The following ACVR2B variants were observed in gnomAD, a reference collection of about 807,000 sequenced individuals.
ACVR2B encodes the protein activin receptor type-2B.
In ACVR2B, 18 loss-of-function variants were observed where a neutral mutation model predicts 65.1. The observed-to-expected ratio is 0.28, with a 90% CI of 0.19 to 0.41. ACVR2B has a LOEUF of 0.41. Ranked by LOEUF, ACVR2B falls within the 10% of genes least tolerant of loss-of-function variation. The pLI, the probability that ACVR2B is intolerant of heterozygous loss-of-function variation, is 1.00. For synonymous variants in ACVR2B, 298 were observed against 277.7 expected, an observed-to-expected ratio of 1.07 and a Z score of -0.73; for missense variants, 482 against 682.7, an observed-to-expected ratio of 0.71 and a Z score of 3.28.
At chr3:38,459,896 A>G (rs917697778) in intron 1 of ACVR2B, among the ~76,000 whole-genome samples, 1 of 151,988 alleles carries the variant, frequency 6.6e-6, no homozygotes, top group Non-Finnish European at 1.5e-5. Context: ...GGCTGCCCCC[A>G]TGTTTATTTT....
chr3:38,481,116 G>T lies in ACVR2B; in HGVS notation c.960-235G>T, dbSNP rs1710010010. ...AGGGTCTGCCCAGCCATTAGGGTAG[G>T]TGTTGCTTTGCCAACCCTGGGGGAA... On this transcript the variant is annotated intron_variant, in intron 7 of 10. Coordinates refer to ENST00000352511, the MANE Select transcript of ACVR2B (RefSeq NM_001106.4). The surrounding 1 kb of genome is among the most constrained non-coding windows in gnomAD (Gnocchi z 4.7). Among the ~76,000 whole-genome samples the T allele has an allele frequency of 6.6e-6, 1 of 152,176 alleles. No homozygotes were observed. Among genetic ancestry groups the T allele is most frequent in the Non-Finnish European group, 1.5e-5 (1 of 68,030 alleles).
chr3:38,456,927 C>A (rs2125711630), intron 1 of ACVR2B, among the ~76,000 whole-genome samples: 1 of 152,280 alleles, frequency 6.6e-6, no homozygotes, highest in Non-Finnish European at 1.5e-5. Context: ...ATTTTACTGG[C>A]CTGGCACAGT....
At position 38,479,114 on chromosome 3, in the gene ACVR2B, G is replaced by A. The variant is rs931113335; in HGVS notation, c.667-14G>A. The A allele has an allele frequency of 1.3e-5, 21 of 1,613,948 alleles. No homozygotes were observed. The highest frequency in any genetic ancestry group is 2.2e-5 in the East Asian group (1 of 44,864). Reference sequence around the variant, plus strand: ...CAGCCACTTGTCCCCCCAACCCCTCGCCCCCGGCCTCAGGACAAGCAGTCG... The same window carrying A: ...CAGCCACTTGTCCCCCCAACCCCTCACCCCCGGCCTCAGGACAAGCAGTCG... On this transcript the variant is annotated splice_polypyrimidine_tract_variant and intron_variant, in intron 5 of 10. Coordinates refer to ENST00000352511, the MANE Select transcript of ACVR2B (RefSeq NM_001106.4).
At position 38,482,086 on chromosome 3, in the gene ACVR2B, G is replaced by A; in HGVS notation, c.1075-112G>A. 4.2e-6 allele frequency: 6 copies of A among 1,414,962 alleles called. No individual in the cohort carries two copies. In the South Asian group the frequency reaches 5.8e-5, roughly 14 times the overall value. The allele number at this position is 1,414,962 out of a possible 1,614,324, so 87.7% of individuals were successfully genotyped here. A position where few individuals can be genotyped will look rare whatever the true frequency, so the allele number is the denominator to read the frequency against. ...GTTTGCTATCATTGATAACCTGTCTGAATTGCTCTGTCTTGCCCGCCATCT... is the reference window on the plus strand; with the variant it reads ...GTTTGCTATCATTGATAACCTGTCTAAATTGCTCTGTCTTGCCCGCCATCT... On this transcript the variant is annotated intron_variant, in intron 8 of 10. Transcript: ENST00000352511.
intron 1 of ACVR2B, among the ~76,000 whole-genome samples, chr3:38,465,369 G>T (rs1709710663): frequency 7.4e-6 from 1 of 135,474 alleles, no homozygotes; most frequent in African/African-American, 2.8e-5. Context: ...CTGCCCTCCA[G>T]CCTGGGTGAC....
At chr3:38,461,870 T>C (rs1709653257) in intron 1 of ACVR2B, among the ~76,000 whole-genome samples, 1 of 152,146 alleles carries the variant, frequency 6.6e-6, no homozygotes, top group Admixed American at 6.5e-5. Flanking sequence ...CATTTTTACT[T>C]GTGCATCTAT....
rs1373721896 is a variant in ACVR2B, at chr3:38,484,032, C to G, written c.*700C>G. The stretch of plus-strand genomic sequence containing the variant: ...ACACTGGACTCGGGCACATTCGGAG[C>G]AGCATCCTTTAGTATGGAGGCTACT... On this transcript the variant is annotated 3_prime_UTR_variant, in exon 11 of 11. Transcript: ENST00000352511. 3 of 152,682 alleles carry G rather than the reference C, an allele frequency of 2.0e-5. No homozygotes were observed. Among genetic ancestry groups the G allele is most frequent in the Non-Finnish European group, 4.4e-5 (3 of 68,132 alleles). The allele number at this position is 152,682 out of a possible 1,614,324, so 9.5% of individuals were successfully genotyped here. A position where few individuals can be genotyped will look rare whatever the true frequency, so the allele number is the denominator to read the frequency against.
Position 38,486,707 on chromosome 3 carries a change from C to G in ACVR2B, c.*3375C>G. 1 of 152,162 alleles carries G rather than the reference C, an allele frequency of 6.6e-6. No individual in the cohort carries two copies. Among genetic ancestry groups the G allele is most frequent in the Non-Finnish European group, 1.5e-5 (1 of 68,042 alleles). 9.4% of individuals were successfully genotyped at this position (152,162 alleles called of 1,614,324 possible). A position where few individuals can be genotyped will look rare whatever the true frequency, so the allele number is the denominator to read the frequency against. On this transcript the variant is annotated 3_prime_UTR_variant, in exon 11 of 11. Coordinates refer to ENST00000352511, the MANE Select transcript of ACVR2B (RefSeq NM_001106.4). ...AGCAGAGAGTAGCCAAGGATCCTTG[C>G]TTCTTCCTTTCTAGTGTGCTGTCAT...
Position 38,477,407 on chromosome 3 carries a change from A to G in ACVR2B, c.173A>G (p.His58Arg). ...GAAGGCGAGCAGGACAAGCGGCTGC[A>G]CTGCTACGCCTCCTGGCGCAACAGC... Reference protein sequence around the residue: ...RCEGEQDKRLHCYASWRNSSG... With the variant: ...RCEGEQDKRLRCYASWRNSSG... The change falls in exon 2 of 11, where the codon CAC becomes CGC. Residue 58 changes from histidine (H) to arginine (R), a missense_variant. Coordinates refer to ENST00000352511, the MANE Select transcript of ACVR2B (RefSeq NM_001106.4). This position sits in a 1 kb window ranked among gnomAD's most constrained non-coding sequence, Gnocchi z 6.7. The G allele has an allele frequency of 6.2e-7, 1 of 1,614,154 alleles. No individual in the cohort carries two copies. The highest frequency in any genetic ancestry group is 1.3e-5 in the African/African-American group (1 of 75,052).
In ACVR2B at chr3:38,477,242, G is replaced by T. The variant is rs2125722125; in HGVS notation, c.53-45G>T. 3.7e-6 allele frequency: 6 copies of T among 1,607,874 alleles called. No individual in the cohort carries two copies. The African/African-American group carries it at 5.3e-5, about 14-fold the overall frequency. ...GACTGGGAGTAGGGGTTTGGGTGGT[G>T]GTCCCAGGGGCATGCTCAGTGGTTC... On this transcript the variant is annotated intron_variant, in intron 1 of 10. Coordinates refer to ENST00000352511, the MANE Select transcript of ACVR2B (RefSeq NM_001106.4). The surrounding 1 kb of genome is among the most constrained non-coding windows in gnomAD (Gnocchi z 6.7).
At chr3:38,472,723 C>A (rs951664297) in intron 1 of ACVR2B, among the ~76,000 whole-genome samples, 1 of 152,080 alleles carries the variant, frequency 6.6e-6, no homozygotes, top group Non-Finnish European at 1.5e-5. Context: ...CACCCAAGTG[C>A]AGAGCTCAGG....
chr3:38,469,904 G>C (rs909706057), intron 1 of ACVR2B, among the ~76,000 whole-genome samples: 1 of 152,014 alleles, frequency 6.6e-6, no homozygotes, highest in Non-Finnish European at 1.5e-5. Flanking sequence ...TATCAAAATT[G>C]ACCAGGAAGT....
In ACVR2B at chr3:38,461,630, G is replaced by C. The variant is rs1709648959; in HGVS notation, c.52+7256G>C. The stretch of plus-strand genomic sequence containing the variant: ...TCGCATCCAAACCTCCCATCACTGA[G>C]AGGTTAGCCACCCTGGGGTATAGTT... On this transcript the variant is annotated intron_variant, in intron 1 of 10. Transcript: ENST00000352511. Among the ~76,000 whole-genome samples the C allele has an allele frequency of 2.6e-5, 4 of 152,224 alleles. No individual in the cohort carries two copies. The South Asian group carries it at 8.3e-4, about 32-fold the overall frequency.
intron 1 of ACVR2B, among the ~76,000 whole-genome samples, chr3:38,456,760 C>T (rs1170803887): frequency 6.6e-6 from 1 of 152,166 alleles, no homozygotes; most frequent in Admixed American, 6.5e-5. Flanking sequence ...ATCCTGTTCT[C>T]ATTACCTGAT....
intron 1 of ACVR2B, chr3:38,475,329 C>T (rs1253881226): frequency 6.6e-6 from 1 of 152,272 alleles, no homozygotes; most frequent in Non-Finnish European, 1.5e-5. Flanking sequence ...CCCTGAGGCC[C>T]TTCCTTTAGA....
chr3:38,482,102 C>A (rs1169107801), intron 8 of ACVR2B, 96 bp from the exon 9 acceptor site: 2 of 1,560,158 alleles, frequency 1.3e-6, no homozygotes, highest in Admixed American at 1.7e-5. Flanking sequence ...CTCTGTCTTG[C>A]CCGCCATCTG....
chr3:38,477,761 C>A lies in ACVR2B; in HGVS notation c.261-100C>A. The A allele has an allele frequency of 7.9e-7, 1 of 1,270,478 alleles. No individual in the cohort carries two copies. The highest frequency in any genetic ancestry group is 1.2e-5 in the South Asian group (1 of 84,022). The allele number at this position is 1,270,478 out of a possible 1,614,324, so 78.7% of individuals were successfully genotyped here. On this transcript the variant is annotated intron_variant, in intron 2 of 10. Coordinates refer to ENST00000352511, the MANE Select transcript of ACVR2B (RefSeq NM_001106.4). The surrounding 1 kb of genome is among the most constrained non-coding windows in gnomAD (Gnocchi z 6.7). ...GTTCACACCGTCCCCCTGGTGTTGC[C>A]CATGAGGTGCTCTGTCTGTGAGGAG... is the stretch of plus-strand genomic sequence containing the variant.
chr3:38,475,699 G>A (rs888979978), intron 1 of ACVR2B: 1 of 152,486 alleles, frequency 6.6e-6, no homozygotes, highest in African/African-American at 2.4e-5. Flanking sequence ...AACAGTAGGG[G>A]TGGAGATGAG....
chr3:38,491,072 T>C lies in ACVR2B; in HGVS notation c.*7740T>C, dbSNP rs368347249. 3.7e-4 allele frequency: 57 copies of C among 152,746 alleles called. No homozygotes were observed. Among genetic ancestry groups the C allele is most frequent in the African/African-American group, 1.2e-3 (49 of 41,574 alleles). The allele number at this position is 152,746 out of a possible 1,614,324, so 9.5% of individuals were successfully genotyped here. Reference sequence around the variant, plus strand: ...TTAAATGGCAGGATAAAAAACCCACTATCCACCATAGTGCATTTTGGGAAG... The same window carrying C: ...TTAAATGGCAGGATAAAAAACCCACCATCCACCATAGTGCATTTTGGGAAG... On this transcript the variant is annotated 3_prime_UTR_variant, in exon 11 of 11. Coordinates refer to ENST00000352511, the MANE Select transcript of ACVR2B (RefSeq NM_001106.4).
Sources: allele counts gnomAD v4.1 joint callset (sites outside exome capture counted in the v4.1 genomes callset), GRCh38; gene constraint gnomAD v4.1.1; non-coding constraint Gnocchi (gnomAD v3.1); transcripts MANE v1.5; gene names NCBI Gene and HGNC (gene_info 2026-07-23, HGNC 2026-07-21).